BRAF: variants seen among roughly 807,000 people sequenced by gnomAD.
BRAF encodes serine/threonine-protein kinase B-raf.
A neutral mutation model predicts 104.6 loss-of-function variants in BRAF; 16 were observed. That is an observed-to-expected ratio of 0.15 (90% confidence interval 0.10 to 0.23). BRAF has a LOEUF of 0.23. BRAF is among the 10% of genes least tolerant of loss of function. The pLI is 1.00. For missense variants in BRAF, 541 were observed against 937.3 expected (o/e 0.58, Z 5.52); for synonymous variants, 310 against 341.6 (o/e 0.91, Z 1.02).
At chr7:140,878,662 TA>T (rs916104572) in intron 1 of BRAF, among the ~76,000 whole-genome samples, 5 of 152,220 alleles carry the variant, frequency 3.3e-5, no homozygotes, top group African/African-American at 1.2e-4. Context: ...ACAGAAACAG[TA>T]AGTTCTAGTA....
chr7:140,754,352 T>G, intron 14 of BRAF, 119 bp from the exon 14 acceptor site: 1 of 824,104 alleles, frequency 1.2e-6, no homozygotes, highest in East Asian at 2.5e-5. Context: ...CTGAAAATAG[T>G]ACATTGTAAT....
chr7:140,865,203 C>G (rs975386018), intron 1 of BRAF, among the ~76,000 whole-genome samples: 2 of 152,074 alleles, frequency 1.3e-5, no homozygotes. Context: ...CCTCAGCCTC[C>G]CAAGTAGCTG....
At chr7:140,855,578 C>T (rs1809686103) in intron 1 of BRAF, among the ~76,000 whole-genome samples, 1 of 151,518 alleles carries the variant, frequency 6.6e-6, no homozygotes, top group African/African-American at 2.4e-5. Context: ...CAGCCATTGG[C>T]TCCCCTCATC....
intron 14 of BRAF, among the ~76,000 whole-genome samples, chr7:140,766,518 T>C (rs933775797): frequency 2.0e-5 from 3 of 152,110 alleles, no homozygotes; most frequent in African/African-American, 4.8e-5. Flanking sequence ...ACCTTCCACA[T>C]AGATTCCACA....
rs1385689323 is a variant in BRAF at position 140,813,438 on chromosome 7, C to A, written c.505-4443G>T. Among the ~76,000 whole-genome samples, 4 of 152,294 alleles carry A rather than the reference C, an allele frequency of 2.6e-5. No individual in the cohort carries two copies. The East Asian group carries it at 7.7e-4, about 29-fold the overall frequency. ...CAGACATCTCATAATTAAGCAAGAT[C>A]CATGAAGCGAAATTTGTATCTATCA... On this transcript the variant is annotated intron_variant, in intron 3 of 19. Transcript: ENST00000644969.
chr7:140,884,678 G>C (rs10271135), intron 1 of BRAF, among the ~76,000 whole-genome samples: 4,314 of 151,808 alleles, frequency 0.028, 212 homozygotes, highest in African/African-American at 0.097. Context: ...ATAGGGTCTT[G>C]CTATGTTGGA....
chr7:140,716,658 A>G (rs1025681352), downstream of BRAF, among the ~76,000 whole-genome samples: 5 of 152,234 alleles, frequency 3.3e-5, no homozygotes, highest in African/African-American at 1.2e-4. Context: ...GTTTTAGGGT[A>G]TGGCCTCAAA....
intron 19 of BRAF, chr7:140,731,489 T>C (rs926574883): frequency 1.3e-5 from 2 of 152,234 alleles, no homozygotes; most frequent in African/African-American, 4.8e-5. Context: ...GTTTCTGTCA[T>C]GAAGTACCAT....
chr7:140,720,114 G>T lies in BRAF; in HGVS notation c.*6380C>A. The stretch of plus-strand genomic sequence containing the variant: ...TGAATAAAATTCAGAGACACATGTT[G>T]ATGAATGATCAAATTCAATCCCCTG... On this transcript the variant is annotated 3_prime_UTR_variant, in exon 20 of 20. Transcript: ENST00000644969. The T allele has an allele frequency of 3.8e-6, 4 of 1,060,880 alleles. No homozygotes were observed. The highest frequency in any genetic ancestry group is 4.6e-6 in the Non-Finnish European group (4 of 876,532). 65.7% of individuals were successfully genotyped at this position (1,060,880 alleles called of 1,614,324 possible).
intron 9 of BRAF, among the ~76,000 whole-genome samples, chr7:140,786,669 A>T (rs1387083168): frequency 6.6e-6 from 1 of 152,242 alleles, no homozygotes; most frequent in East Asian, 1.9e-4. Flanking sequence ...GGGCTTTGCC[A>T]TTATGGGTCT....
Position 140,753,274 on chromosome 7 carries a change from C to A in BRAF, c.1980+1G>T, listed in dbSNP as rs2128998090. ...AGTGGAAAAATAGCCTCAATTCTTA[C>A]CATCCACAAAATGGATCCAGACAAC... On this transcript the variant is annotated splice_donor_variant, in intron 16 of 19. Transcript: ENST00000644969. LOFTEE classifies it high-confidence loss of function. The A allele has an allele frequency of 6.2e-7, 1 of 1,601,366 alleles. No individual in the cohort carries two copies. Among genetic ancestry groups the A allele is most frequent in the East Asian group, 2.2e-5 (1 of 44,710 alleles).
At chr7:140,805,652 T>C (rs1399555159) in intron 5 of BRAF, among the ~76,000 whole-genome samples, 1 of 152,118 alleles carries the variant, frequency 6.6e-6, no homozygotes, top group African/African-American at 2.4e-5. Flanking sequence ...TGTGGGGCTG[T>C]GTGAAGGAAG....
At chr7:140,754,042 T>A in intron 15 of BRAF, 145 bp downstream of exon 14, 1 of 835,240 alleles carries the variant, frequency 1.2e-6, no homozygotes. Context: ...TGCTCTCCTA[T>A]ACATGCATGC....
chr7:140,781,153 G>C (rs71645974), intron 12 of BRAF: 25 of 218,276 alleles, frequency 1.1e-4, no homozygotes, highest in African/African-American at 5.2e-4. Context: ...GTATGGTCTT[G>C]ATCTCCTGAC....
intron 1 of BRAF, among the ~76,000 whole-genome samples, chr7:140,885,226 C>T (rs1343578899): frequency 6.6e-6 from 1 of 152,098 alleles, no homozygotes; most frequent in African/African-American, 2.4e-5. Flanking sequence ...TGGTCTTGAA[C>T]TCCTGACCTC....
intron 1 of BRAF, among the ~76,000 whole-genome samples, chr7:140,896,017 C>T (rs1211244821): frequency 6.6e-6 from 1 of 152,164 alleles, no homozygotes; most frequent in Non-Finnish European, 1.5e-5. Context: ...CCAAGAGCGT[C>T]CAAGAGTTCT....
intron 7 of BRAF, among the ~76,000 whole-genome samples, chr7:140,798,058 G>A (rs1345350483): frequency 6.6e-6 from 1 of 152,072 alleles, no homozygotes; most frequent in Non-Finnish European, 1.5e-5. Context: ...TCTAACCCAT[G>A]AGATCACCAG....
At chr7:140,901,930 G>A (rs1233908601) in intron 1 of BRAF, among the ~76,000 whole-genome samples, 1 of 152,118 alleles carries the variant, frequency 6.6e-6, no homozygotes, top group Non-Finnish European at 1.5e-5. Context: ...CTATATCCCA[G>A]TGCCTAGCAT....
intron 1 of BRAF, among the ~76,000 whole-genome samples, chr7:140,898,607 A>T (rs1815231138): frequency 6.6e-6 from 1 of 152,232 alleles, no homozygotes; most frequent in Non-Finnish European, 1.5e-5. Flanking sequence ...CGTTCCATTA[A>T]AGCATAACTG....
Sources: allele counts gnomAD v4.1 joint callset (sites outside exome capture counted in the v4.1 genomes callset), GRCh38; gene constraint gnomAD v4.1.1; transcripts MANE v1.5; gene names NCBI Gene and HGNC (gene_info 2026-07-23, HGNC 2026-07-21).